HEXB: variants seen among roughly 807,000 people sequenced by gnomAD.
HEXB encodes hexosaminidase subunit beta.
In HEXB, 51 loss-of-function variants were observed where a neutral mutation model predicts 71.2. The observed-to-expected ratio is 0.72, with a 90% CI of 0.57 to 0.90. HEXB has a LOEUF of 0.90. Ranked by LOEUF, HEXB falls within the 40% of genes least tolerant of loss-of-function variation. HEXB has a pLI of 0.00. For missense variants in HEXB, 617 were observed against 677.0 expected (o/e 0.91, Z 0.98); for synonymous variants, 266 against 249.3 (o/e 1.07, Z -0.63).
chr5:74,700,872 T>C (rs1471225956), intron 5 of HEXB, among the ~76,000 whole-genome samples: 1 of 152,030 alleles, frequency 6.6e-6, no homozygotes, highest in East Asian at 1.9e-4. Flanking sequence ...CATGCCTGGC[T>C]AATTTTTATA....
chr5:74,697,111 G>A lies in HEXB; in HGVS notation c.669+5G>A. 1 of 1,203,092 alleles carries A rather than the reference G, an allele frequency of 8.3e-7. No individual in the cohort carries two copies. The highest frequency in any genetic ancestry group is 1.2e-6 in the Non-Finnish European group (1 of 805,896). The allele number at this position is 1,203,092 out of a possible 1,614,324, so 74.5% of individuals were successfully genotyped here. On this transcript the variant is annotated splice_donor_5th_base_variant and intron_variant, in intron 5 of 13. Transcript: ENST00000261416. ...AAGATTATTCTTAAAACTCTGGTAA[G>A]TAATTACTTCATTCTAATCTGTTGT...
intron 4 of HEXB, 64 bp downstream of exon 4, chr5:74,696,803 A>T: frequency 1.1e-6 from 1 of 897,332 alleles, no homozygotes; most frequent in South Asian, 1.4e-5. Context: ...AAAAAATGTA[A>T]CCTGTTTAGC....
chr5:74,672,085 G>A lies in HEXB; in HGVS notation c.-376-17243G>A, dbSNP rs1361045892. Among the ~76,000 whole-genome samples, 8 of 152,132 alleles carry A rather than the reference G, an allele frequency of 5.3e-5. No homozygotes were observed. The East Asian group carries it at 1.2e-3, about 22-fold the overall frequency. On this transcript the variant is annotated intron_variant, in intron 1 of 13. Coordinates refer to the HEXB transcript ENST00000511181. The stretch of plus-strand genomic sequence containing the variant: ...GTCTGATCCAGGCTTCTGCTATCCC[G>A]ATATATGTGATGCTTGTTCTCAGGC...
At chr5:74,662,615 A>C (rs1285910237) in intron 1 of HEXB, among the ~76,000 whole-genome samples, 2 of 152,232 alleles carry the variant, frequency 1.3e-5, no homozygotes, top group East Asian at 1.9e-4. Context: ...AGTGCTTCCC[A>C]AAATGACTGT....
At chr5:74,670,451 C>T (rs1298539112) in intron 1 of HEXB, among the ~76,000 whole-genome samples, 1 of 148,942 alleles carries the variant, frequency 6.7e-6, no homozygotes, top group African/African-American at 2.4e-5. Context: ...TTTCATTCTT[C>T]TCAGAGGTGA....
chr5:74,696,407 C>T (rs1362672798), intron 3 of HEXB, among the ~76,000 whole-genome samples: 1 of 152,010 alleles, frequency 6.6e-6, no homozygotes, highest in Non-Finnish European at 1.5e-5. Flanking sequence ...AATTACTATT[C>T]TTCTTTTGTC....
At chr5:74,666,338 T>TCATTTCTGAAGACATTGCATGCA (rs1748431076) in intron 1 of HEXB, among the ~76,000 whole-genome samples, 1 of 141,376 alleles carries the variant, frequency 7.1e-6, no homozygotes, top group African/African-American at 2.6e-5. Context: ...CACTTAGTTG[T>TCATTTCTGAAGACATTGCATGCA]CATTTCACAT....
At chr5:74,672,623 G>A (rs1365041569) in intron 1 of HEXB, among the ~76,000 whole-genome samples, 1 of 152,200 alleles carries the variant, frequency 6.6e-6, no homozygotes, top group Middle Eastern at 3.2e-3. Context: ...GGAGGAGAGG[G>A]CAGGCTGACA....
upstream of HEXB, among the ~76,000 whole-genome samples, chr5:74,682,672 G>A (rs886615657): frequency 1.3e-5 from 2 of 152,172 alleles, no homozygotes; most frequent in African/African-American, 2.4e-5. Flanking sequence ...ACATTATGCC[G>A]TGCTTCCATT....
At chr5:74,715,135 G>GCT (rs1749640071) in intron 7 of HEXB, among the ~76,000 whole-genome samples, 1 of 152,216 alleles carries the variant, frequency 6.6e-6, no homozygotes, top group South Asian at 2.1e-4. Context: ...AGAGAAGGGA[G>GCT]CTTAAGGACT....
At chr5:74,672,552 C>T (rs1198081306) in intron 1 of HEXB, among the ~76,000 whole-genome samples, 2 of 152,176 alleles carry the variant, frequency 1.3e-5, no homozygotes, top group South Asian at 2.1e-4. Flanking sequence ...ATCCCTAGCC[C>T]CCAAGAACAT....
intron 1 of HEXB, among the ~76,000 whole-genome samples, chr5:74,663,206 C>T (rs1580365428): frequency 1.4e-5 from 2 of 148,030 alleles, no homozygotes; most frequent in Admixed American, 1.4e-4. Context: ...GGGTGGAGTG[C>T]GGTGGCGGAG....
intron 7 of HEXB, among the ~76,000 whole-genome samples, chr5:74,715,148 A>C (rs1180939448): frequency 6.6e-6 from 1 of 152,226 alleles, no homozygotes; most frequent in Non-Finnish European, 1.5e-5. Flanking sequence ...TAAGGACTGC[A>C]GATGTTGTTT....
At chr5:74,674,678 A>C (rs1008961542) in intron 1 of HEXB, among the ~76,000 whole-genome samples, 5 of 151,982 alleles carry the variant, frequency 3.3e-5, no homozygotes, top group African/African-American at 9.7e-5. Flanking sequence ...TCTAGTCATT[A>C]TACAGAATGA....
intron 9 of HEXB, chr5:74,716,973 G>A (rs951098027): frequency 6.2e-5 from 16 of 256,006 alleles, no homozygotes; most frequent in East Asian, 1.0e-4. Context: ...GTGGATCACC[G>A]GAGGCCAGGA....
intron 1 of HEXB, among the ~76,000 whole-genome samples, chr5:74,647,300 G>A (rs1748019894): frequency 6.6e-6 from 1 of 152,262 alleles, no homozygotes; most frequent in African/African-American, 2.4e-5. Flanking sequence ...ACAATGCCAA[G>A]TCTCTAAGCA....
intron 8 of HEXB, among the ~76,000 whole-genome samples, chr5:74,716,034 AAAAAAAAT>A (rs1336157654): frequency 6.3e-5 from 9 of 142,010 alleles, no homozygotes; most frequent in Admixed American, 1.4e-4. Flanking sequence ...AAAAAAAAAA[AAAAAAAAT>A]GGAATAAAAA....
At chr5:74,712,099 C>A (rs1300403246) in intron 6 of HEXB, among the ~76,000 whole-genome samples, 1 of 142,782 alleles carries the variant, frequency 7.0e-6, no homozygotes, top group African/African-American at 2.7e-5. Flanking sequence ...TACTATGCAG[C>A]CATAAAAAAT....
At chr5:74,663,854 G>C (rs565098073) in intron 1 of HEXB, among the ~76,000 whole-genome samples, 1 of 152,294 alleles carries the variant, frequency 6.6e-6, no homozygotes, top group East Asian at 1.9e-4. Flanking sequence ...GGCCAGGCGT[G>C]GGGGCTCATG....
Sources: allele counts gnomAD v4.1 joint callset (sites outside exome capture counted in the v4.1 genomes callset), GRCh38; gene constraint gnomAD v4.1.1; transcripts MANE v1.5; gene names NCBI Gene and HGNC (gene_info 2026-07-23, HGNC 2026-07-21).